STRA6: variants seen among roughly 807,000 people sequenced by gnomAD.
STRA6 encodes receptor for retinol uptake STRA6.
In STRA6, 48 loss-of-function variants were observed where a neutral mutation model predicts 83.6. That is an observed-to-expected ratio of 0.57 (90% CI 0.46 to 0.73). STRA6 has a LOEUF of 0.73. Ranked by LOEUF, STRA6 falls within the 30% of genes least tolerant of loss-of-function variation. The probability of loss-of-function intolerance (pLI) is 0.00; values close to 1 mark genes in which losing one functional copy is unlikely to be tolerated. For synonymous variants in STRA6, 353 were observed against 362.3 expected, an observed-to-expected ratio of 0.97 and a Z score of 0.29; for missense variants, 760 against 838.8, an observed-to-expected ratio of 0.91 and a Z score of 1.16.
At chr15:74,203,818 G>C (rs1034899518), upstream of STRA6, among the ~76,000 whole-genome samples, 1 of 152,108 alleles carries the variant, frequency 6.6e-6, no homozygotes, top group African/African-American at 2.4e-5. Context: ...TTGGGGATGG[G>C]GGGAGATTCC....
chr15:74,192,226 G>A (rs905410396), intron 8 of STRA6, among the ~76,000 whole-genome samples: 4 of 152,212 alleles, frequency 2.6e-5, no homozygotes, highest in Non-Finnish European at 5.9e-5. Context: ...GCAATGGAGA[G>A]AGAGATGGGG....
chr15:74,185,147 G>A (rs2073181289), intron 12 of STRA6, 92 bp from the exon 13 acceptor site: 3 of 1,276,204 alleles, frequency 2.4e-6, no homozygotes, highest in South Asian at 2.5e-5. Context: ...GCCTTGTGGG[G>A]AGTTCCCCCT....
At chr15:74,191,544 T>A in intron 8 of STRA6, 53 bp from the exon 9 acceptor site, 3 of 1,520,086 alleles carry the variant, frequency 2.0e-6, no homozygotes, top group Non-Finnish European at 2.7e-6. Flanking sequence ...GACCCATTCG[T>A]GGGTCCCTGG....
chr15:74,208,170 T>A, intron 1 of STRA6: 1 of 570,840 alleles, frequency 1.8e-6, no homozygotes, highest in Non-Finnish European at 2.3e-6. Context: ...GCTAGGCTAG[T>A]ACTGACCTGG....
In STRA6 at chr15:74,198,271, A is replaced by G. The variant is rs565329206; in HGVS notation, c.114-453T>C. 5.5e-3 allele frequency among the ~76,000 whole-genome samples: 828 copies of G among 149,978 alleles called. 15 individuals carry two copies. Among genetic ancestry groups the G allele is most frequent in the African/African-American group, 0.02 (798 of 40,848 alleles). On this transcript the variant is annotated intron_variant, in intron 2 of 18. Transcript: ENST00000395105. ...ACAGGTGTGCACCACCATGCCTGGCATTTTTTTTTCTGTATTTTTAGTAGA... is the reference window on the plus strand; with the variant it reads ...ACAGGTGTGCACCACCATGCCTGGCGTTTTTTTTTCTGTATTTTTAGTAGA...
chr15:74,202,874 A>C, upstream of STRA6: 1 of 1,017,162 alleles, frequency 9.8e-7, no homozygotes, highest in African/African-American at 1.7e-5. Flanking sequence ...TCGGTGATGG[A>C]AATACACCAT....
chr15:74,193,705 C>A, intron 8 of STRA6, 95 bp downstream of exon 8: 1 of 1,584,222 alleles, frequency 6.3e-7, no homozygotes, highest in Non-Finnish European at 8.6e-7. Context: ...CTGGGCCCTA[C>A]ATCAAGCACG....
intron 7 of STRA6, chr15:74,194,732 TG>T: frequency 8.1e-7 from 1 of 1,229,858 alleles, no homozygotes; most frequent in Non-Finnish European, 1.0e-6. Flanking sequence ...AATATGTTGT[TG>T]AATGAATGGG....
At chr15:74,194,101 C>T (rs1792614892) in intron 7 of STRA6, among the ~76,000 whole-genome samples, 179 bp from the exon 8 acceptor site, 1 of 152,194 alleles carries the variant, frequency 6.6e-6, no homozygotes. Context: ...ACTTCCCCTT[C>T]TCGAGCCCTG....
rs766412161 is a variant in STRA6, at chr15:74,182,362, G to A, written c.1399C>T (p.Arg467Cys). The A allele has an allele frequency of 6.8e-6, 11 of 1,613,954 alleles. No homozygotes were observed. The highest frequency in any genetic ancestry group is 4.4e-5 in the South Asian group (4 of 91,068). Residue 467 changes from arginine to cysteine, a missense_variant, in exon 15 of 19, where the codon CGT becomes TGT. By Grantham distance (180) the Arg-to-Cys change is radical (BLOSUM62 -3). Transcript: ENST00000395105. Reference sequence around the variant, plus strand: ...ACTCACCACGAGGACTCCAGGGAACGGAAGAGCAGGAGGTTCCTGCCATGG... The same window carrying A: ...ACTCACCACGAGGACTCCAGGGAACAGAAGAGCAGGAGGTTCCTGCCATGG... ...VLHGRNLLLF[R>C]SLESSWPFWL...
intron 8 of STRA6, among the ~76,000 whole-genome samples, chr15:74,193,424 C>T (rs1284815838): frequency 6.6e-6 from 1 of 152,116 alleles, no homozygotes; most frequent in African/African-American, 2.4e-5. Flanking sequence ...GAGTTCTGCC[C>T]TGGGTGCTTC....
chr15:74,199,611 C>T (rs556417173), intron 2 of STRA6, among the ~76,000 whole-genome samples: 120 of 152,238 alleles, frequency 7.9e-4, no homozygotes, highest in Non-Finnish European at 1.5e-3. Context: ...CCACCCCTAC[C>T]CCCAGAAATG....
intron 18 of STRA6, among the ~76,000 whole-genome samples, 175 bp downstream of exon 18, chr15:74,180,607 T>C (rs865780526): frequency 1.6e-4 from 24 of 152,136 alleles, no homozygotes; most frequent in Admixed American, 5.2e-4. Context: ...TGTGTGTTCA[T>C]ATCATGGAAA....
upstream of STRA6, chr15:74,203,174 C>G (rs2074163403): frequency 1.0e-6 from 1 of 985,328 alleles, no homozygotes; most frequent in African/African-American, 1.7e-5. Flanking sequence ...CCTAGGGTTT[C>G]CATGAAGGAG....
intron 8 of STRA6, among the ~76,000 whole-genome samples, chr15:74,192,430 C>G (rs1171980049): frequency 2.0e-5 from 3 of 152,176 alleles, no homozygotes; most frequent in Non-Finnish European, 4.4e-5. Flanking sequence ...AGTCTGGAGT[C>G]CGTGGGCCTT....
chr15:74,191,274 C>T (rs1157144045), intron 9 of STRA6, 31 bp from the exon 10 acceptor site: 1 of 1,612,556 alleles, frequency 6.2e-7, no homozygotes, highest in Non-Finnish European at 8.5e-7. Flanking sequence ...GTGCGGGGTC[C>T]TCAGGGGAAG....
At chr15:74,180,700 CTG>C in intron 18 of STRA6, 80 bp downstream of exon 18, 2 of 1,518,854 alleles carry the variant, frequency 1.3e-6, no homozygotes, top group Middle Eastern at 2.4e-4. Context: ...GGCGCTCACT[CTG>C]TGTGCTGGGG....
In STRA6 at chr15:74,180,827, T is replaced by C. The variant is rs750909866; in HGVS notation, c.1795A>G (p.Met599Val). The change falls in exon 18 of 19, where the codon ATG (methionine) becomes GTG (valine). Residue 599 changes from methionine (M) to valine (V), a missense_variant. By Grantham distance (21) the Met-to-Val change is conservative (BLOSUM62 1). Coordinates refer to ENST00000395105, the MANE Select transcript of STRA6 (RefSeq NM_022369.4). Reference protein sequence around the residue: ...LQAQSLLPRTMAAPQDSLRPG... With the variant: ...LQAQSLLPRTVAAPQDSLRPG... ...CTGAGGCTGTCCTGGGGGGCTGCCATGGTCCTGGGTAGGAGGCTCTGCGCT... is the reference window on the plus strand; with the variant it reads ...CTGAGGCTGTCCTGGGGGGCTGCCACGGTCCTGGGTAGGAGGCTCTGCGCT... The C allele has an allele frequency of 8.7e-6, 14 of 1,613,566 alleles. No homozygotes were observed. The highest frequency in any genetic ancestry group is 4.4e-5 in the South Asian group (4 of 91,070).
chr15:74,199,631 GC>G (rs1311187463), intron 2 of STRA6, among the ~76,000 whole-genome samples: 1 of 152,216 alleles, frequency 6.6e-6, no homozygotes, highest in African/African-American at 2.4e-5. Context: ...GCCCTCCAGG[GC>G]CCTGCCTGGG....
Sources: gnomAD v4.1 joint callset for allele counts (sites outside exome capture counted in the v4.1 genomes callset) on GRCh38, gnomAD v4.1.1 for gene constraint, MANE v1.5 for transcripts, NCBI Gene and HGNC (gene_info 2026-07-23, HGNC 2026-07-21) for gene names.